ASH1L: variants seen among roughly 807,000 people sequenced by gnomAD.
ASH1L encodes the protein histone-lysine N-methyltransferase ASH1L.
In ASH1L, 23 loss-of-function variants were observed where a neutral mutation model predicts 269.0. That is an observed-to-expected ratio of 0.09 (90% CI 0.06 to 0.12). The LOEUF (loss-of-function observed/expected upper bound fraction) is 0.12, where lower values mean the gene tolerates loss of function less well. Among genes scored for constraint, ASH1L ranks in the 10% least tolerant of loss-of-function variants. The pLI is 1.00. For synonymous variants in ASH1L, 1,187 were observed against 1,253.5 expected (o/e 0.95, Z 1.12); for missense variants, 2,912 against 3,567.8 (o/e 0.82, Z 4.68).
intron 12 of ASH1L, among the ~76,000 whole-genome samples, chr1:155,365,584 T>C (rs1410375223): frequency 6.6e-6 from 1 of 152,082 alleles, no homozygotes; most frequent in Non-Finnish European, 1.5e-5. Context: ...GATGTTTGTT[T>C]CCCTCTACCT....
intron 4 of ASH1L, among the ~76,000 whole-genome samples, chr1:155,439,907 C>T (rs1662408631): frequency 6.7e-6 from 1 of 149,790 alleles, no homozygotes; most frequent in Non-Finnish European, 1.5e-5. Flanking sequence ...CTCAAATTAC[C>T]AATAACTTTC....
chr1:155,469,980 T>C (rs995750855), intron 3 of ASH1L, among the ~76,000 whole-genome samples: 10 of 152,174 alleles, frequency 6.6e-5, no homozygotes, highest in Non-Finnish European at 1.3e-4. Flanking sequence ...TATCAAACCA[T>C]TAACACTTAA....
intron 3 of ASH1L, among the ~76,000 whole-genome samples, 191 bp downstream of exon 3, chr1:155,477,695 A>T (rs1665661729): frequency 6.6e-6 from 1 of 152,136 alleles, no homozygotes; most frequent in African/African-American, 2.4e-5. Flanking sequence ...AGCTCTTCTC[A>T]AAACAAAAAA....
chr1:155,407,031 T>C (rs974680305), intron 6 of ASH1L, among the ~76,000 whole-genome samples: 2 of 152,168 alleles, frequency 1.3e-5, no homozygotes, highest in African/African-American at 4.8e-5. Flanking sequence ...TGAACCAGCC[T>C]GGCCAACATG....
At chr1:155,549,021 A>G (rs1671016214) in intron 1 of ASH1L, among the ~76,000 whole-genome samples, 1 of 152,180 alleles carries the variant, frequency 6.6e-6, no homozygotes, top group African/African-American at 2.4e-5. Context: ...TCTGCACTGA[A>G]TATATATACT....
At chr1:155,453,384 CT>C (rs984023515) in intron 4 of ASH1L, among the ~76,000 whole-genome samples, 8 of 152,116 alleles carry the variant, frequency 5.3e-5, no homozygotes, top group East Asian at 1.9e-4. Context: ...GGCTAAACGC[CT>C]TTGCAATCTT....
intron 6 of ASH1L, among the ~76,000 whole-genome samples, chr1:155,414,570 A>T (rs184288907): frequency 4.9e-4 from 74 of 152,266 alleles, no homozygotes; most frequent in Admixed American, 9.8e-4. Flanking sequence ...TGGCCTCCCA[A>T]AGTGTTGGGA....
intron 4 of ASH1L, among the ~76,000 whole-genome samples, chr1:155,440,211 G>A (rs1025865683): frequency 1.3e-5 from 2 of 152,080 alleles, no homozygotes; most frequent in Non-Finnish European, 2.9e-5. Context: ...AGGAGGCTGA[G>A]GCGGGTGGAT....
intron 1 of ASH1L, among the ~76,000 whole-genome samples, chr1:155,546,757 A>G (rs1670854594): frequency 6.8e-6 from 1 of 146,304 alleles, no homozygotes; most frequent in African/African-American, 2.5e-5. Context: ...ACTCCGTCTC[A>G]AAAAAAAAAG....
chr1:155,424,400 T>C (rs1176705150), intron 5 of ASH1L, among the ~76,000 whole-genome samples: 3 of 152,042 alleles, frequency 2.0e-5, no homozygotes, highest in Admixed American at 6.6e-5. Flanking sequence ...AGTAGTACAG[T>C]ATGTATTACA....
intron 2 of ASH1L, among the ~76,000 whole-genome samples, chr1:155,486,541 T>C (rs1478277060): frequency 6.6e-6 from 1 of 151,920 alleles, no homozygotes; most frequent in African/African-American, 2.4e-5. Context: ...TAAAAGAGTA[T>C]AACTAGATGG....
At chr1:155,412,703 C>G (rs1659901889) in intron 6 of ASH1L, among the ~76,000 whole-genome samples, 1 of 152,098 alleles carries the variant, frequency 6.6e-6, no homozygotes, top group South Asian at 2.1e-4. Context: ...GTCAGAAGTT[C>G]TAGAGAGCCA....
rs772036994 is a variant in ASH1L, at chr1:155,481,348, A to G, written c.1522T>C (p.Ser508Pro). The part of the protein sequence containing the change: ...GTCIQQDSFS[S>P]SEKGSYETSK... ...GTTTCATAAGATCCCTTTTCACTGG[A>G]TGAGAAACTGTCTTGCTGAATGCAT... Residue 508 changes from serine to proline, a missense_variant, in exon 3 of 28, where the codon TCC becomes CCC. By Grantham distance (74) the Ser-to-Pro change is moderately conservative. This residue lies in a region of ASH1L where 715 missense variants were observed against 721.0 expected (regional missense o/e 0.99). Coordinates refer to ENST00000392403, the MANE Select transcript of ASH1L (RefSeq NM_018489.3). 1 of 1,614,142 alleles carries G rather than the reference A, an allele frequency of 6.2e-7. No individual in the cohort carries two copies. The highest frequency in any genetic ancestry group is 1.1e-5 in the South Asian group (1 of 91,084).
intron 5 of ASH1L, chr1:155,419,468 G>A (rs894484294): frequency 6.6e-6 from 1 of 151,682 alleles, no homozygotes; most frequent in Non-Finnish European, 1.5e-5. Context: ...GTGCAAGAAT[G>A]ATATGCAAAC....
chr1:155,436,786 C>T (rs549806329), intron 5 of ASH1L, among the ~76,000 whole-genome samples: 2 of 152,216 alleles, frequency 1.3e-5, no homozygotes, highest in African/African-American at 2.4e-5. Context: ...TGAGCCACCA[C>T]GCCTGGCCAA....
chr1:155,404,684 AT>A (rs1172122984), intron 6 of ASH1L, among the ~76,000 whole-genome samples: 1 of 152,176 alleles, frequency 6.6e-6, no homozygotes, highest in African/African-American at 2.4e-5. Flanking sequence ...GGAAAAAAAA[AT>A]CAATTGTATT....
At chr1:155,447,792 T>G (rs943239856) in intron 4 of ASH1L, among the ~76,000 whole-genome samples, 2 of 152,208 alleles carry the variant, frequency 1.3e-5, no homozygotes, top group African/African-American at 4.8e-5. Context: ...TTGCAAATAT[T>G]TTCTCCCATT....
chr1:155,342,270 G>C (rs1453324748), intron 24 of ASH1L, among the ~76,000 whole-genome samples, 168 bp from the exon 25 acceptor site: 2 of 152,166 alleles, frequency 1.3e-5, no homozygotes, highest in Non-Finnish European at 2.9e-5. Context: ...TGGACAAAGA[G>C]TTCTCAGACA....
chr1:155,401,413 G>A (rs1432643114), intron 6 of ASH1L, among the ~76,000 whole-genome samples: 1 of 150,042 alleles, frequency 6.7e-6, no homozygotes, highest in Non-Finnish European at 1.5e-5. Context: ...GGGAGGCGGA[G>A]ATTGCAGCGA....
Sources: gnomAD v4.1 joint callset for allele counts (sites outside exome capture counted in the v4.1 genomes callset) on GRCh38, gnomAD v4.1.1 for gene constraint, gnomAD v4.1.1 regional missense constraint, MANE v1.5 for transcripts, NCBI Gene and HGNC (gene_info 2026-07-23, HGNC 2026-07-21) for gene names.